Variants in EGFLAM observed in about 807,000 individuals in gnomAD.
EGFLAM encodes the protein pikachurin.
A neutral mutation model predicts 113.1 loss-of-function variants in EGFLAM; 79 were observed. The ratio of observed to expected loss-of-function variants is 0.70; its 90% CI spans 0.58 to 0.84. The LOEUF is 0.84. Among genes scored for constraint, EGFLAM ranks in the 40% least tolerant of loss-of-function variants. The probability of loss-of-function intolerance (pLI) is 0.00; values close to 1 mark genes in which losing one functional copy is unlikely to be tolerated. For synonymous variants in EGFLAM, 504 were observed against 487.6 expected (o/e 1.03, Z -0.44); for missense variants, 1,265 against 1,291.6 (o/e 0.98, Z 0.32).
At chr5:38,298,300 TC>T (rs1278637537) in intron 1 of EGFLAM, among the ~76,000 whole-genome samples, 1 of 143,284 alleles carries the variant, frequency 7.0e-6, no homozygotes, top group Non-Finnish European at 1.5e-5. Context: ...GTCAGAGTCA[TC>T]ATTAGAGATA....
intron 19 of EGFLAM, among the ~76,000 whole-genome samples, chr5:38,455,120 G>A (rs1437477215): frequency 2.0e-5 from 3 of 152,178 alleles, no homozygotes; most frequent in South Asian, 2.1e-4. Context: ...TTCATGCAAC[G>A]AAGAGGGGGA....
At chr5:38,278,611 C>A (rs1757943355) in intron 1 of EGFLAM, among the ~76,000 whole-genome samples, 1 of 151,994 alleles carries the variant, frequency 6.6e-6, no homozygotes, top group Admixed American at 6.6e-5. Flanking sequence ...GCCTCAGCCT[C>A]CCGAGTAGCT....
At chr5:38,374,123 G>C (rs1327931074) in intron 6 of EGFLAM, among the ~76,000 whole-genome samples, 2 of 152,154 alleles carry the variant, frequency 1.3e-5, no homozygotes, top group African/African-American at 4.8e-5. Context: ...CTGATGATTA[G>C]TGATGCTGAC....
intron 5 of EGFLAM, among the ~76,000 whole-genome samples, chr5:38,366,536 G>A (rs1740063685): frequency 6.6e-6 from 1 of 152,186 alleles, no homozygotes; most frequent in Non-Finnish European, 1.5e-5. Flanking sequence ...TATGGGGTTT[G>A]ATAGTATCAA....
In EGFLAM at chr5:38,305,650, A is replaced by G. The variant is rs191875897; in HGVS notation, c.98-31870A>G. On this transcript the variant is annotated intron_variant, in intron 1 of 21. Transcript: ENST00000322350. ...GGCTCTGGATGAAACTTATTCCCCA[A>G]AATAATGTTGATAAAACATCTGACA... is the stretch of plus-strand genomic sequence containing the variant. 31 of 199,676 alleles carry G rather than the reference A, an allele frequency of 1.6e-4. No individual in the cohort carries two copies. The East Asian group carries it at 3.8e-3, about 24-fold the overall frequency. The allele number at this position is 199,676 out of a possible 1,614,324, so 12.4% of individuals were successfully genotyped here. A position where few individuals can be genotyped will look rare whatever the true frequency, so the allele number is the denominator to read the frequency against.
At chr5:38,459,527 CTT>C (rs1393673938) in intron 20 of EGFLAM, among the ~76,000 whole-genome samples, 1 of 152,174 alleles carries the variant, frequency 6.6e-6, no homozygotes, top group Admixed American at 6.5e-5. Context: ...CAGGCTGAAA[CTT>C]AGAAATGTCA....
chr5:38,303,996 G>T (rs1183930904), intron 1 of EGFLAM, among the ~76,000 whole-genome samples: 2 of 151,920 alleles, frequency 1.3e-5, no homozygotes, highest in African/African-American at 4.8e-5. Flanking sequence ...AAATTAGCCA[G>T]GTGTGGCCTG....
chr5:38,401,182 TC>T (rs1228423019), intron 6 of EGFLAM: 1 of 152,188 alleles, frequency 6.6e-6, no homozygotes, highest in Non-Finnish European at 1.5e-5. Context: ...TTGCTTGTGG[TC>T]CTTTTCTCTG....
chr5:38,258,674 C>T lies in EGFLAM; in HGVS notation c.-81C>T. 1 of 1,486,262 alleles carries T rather than the reference C, an allele frequency of 6.7e-7. No individual in the cohort carries two copies. Among genetic ancestry groups the T allele is most frequent in the East Asian group, 2.5e-5 (1 of 40,656 alleles). The allele number at this position is 1,486,262 out of a possible 1,614,324, so 92.1% of individuals were successfully genotyped here. A position where few individuals can be genotyped will look rare whatever the true frequency, so the allele number is the denominator to read the frequency against. ...CCCCGGCCCGGGGATCCGTTGGGGCCGCGTCCCCCACGCGCCCCCGGAGAC... is the reference window on the plus strand; with the variant it reads ...CCCCGGCCCGGGGATCCGTTGGGGCTGCGTCCCCCACGCGCCCCCGGAGAC... On this transcript the variant is annotated 5_prime_UTR_variant, in exon 1 of 22. Coordinates refer to ENST00000322350, the MANE Select transcript of EGFLAM (RefSeq NM_152403.4).
At position 38,434,288 on chromosome 5, in the gene EGFLAM, C is replaced by T. The variant is rs149599671; in HGVS notation, c.2167-849C>T. Among the ~76,000 whole-genome samples, 366 of 152,306 alleles carry T rather than the reference C, an allele frequency of 2.4e-3. 2 individuals carry two copies. Among genetic ancestry groups the T allele is most frequent in the African/African-American group, 5.5e-3 (229 of 41,566 alleles). ...GGGTAGGATATGAGACTCCCGTGTC[C>T]GGCACCCAGGTGCACCCATAGCCAC... On this transcript the variant is annotated intron_variant, in intron 15 of 21. Coordinates refer to ENST00000322350, the MANE Select transcript of EGFLAM (RefSeq NM_152403.4).
intron 1 of EGFLAM, among the ~76,000 whole-genome samples, chr5:38,285,140 T>A (rs190235016): frequency 6.6e-6 from 1 of 152,150 alleles, no homozygotes; most frequent in African/African-American, 2.4e-5. Flanking sequence ...AAAATAGCAA[T>A]GGGAACTTTT....
chr5:38,346,641 A>G (rs1426004810), intron 3 of EGFLAM: 1 of 152,218 alleles, frequency 6.6e-6, no homozygotes, highest in East Asian at 1.9e-4. Flanking sequence ...AATCCATATC[A>G]CCACCTATAC....
At chr5:38,388,753 C>CT (rs1303344611) in intron 6 of EGFLAM, among the ~76,000 whole-genome samples, 1 of 139,108 alleles carries the variant, frequency 7.2e-6, no homozygotes, top group Non-Finnish European at 1.5e-5. Context: ...GAGTGAGACT[C>CT]TGTCACAAAA....
chr5:38,372,087 G>A (rs371998675), intron 6 of EGFLAM, among the ~76,000 whole-genome samples: 1 of 151,742 alleles, frequency 6.6e-6, no homozygotes, highest in South Asian at 2.1e-4. Context: ...TTAGATGTGC[G>A]CATAGAGACT....
intron 6 of EGFLAM, among the ~76,000 whole-genome samples, chr5:38,382,952 G>A (rs1740551704): frequency 6.6e-6 from 1 of 152,188 alleles, no homozygotes; most frequent in South Asian, 2.1e-4. Flanking sequence ...AGGATCCTTA[G>A]GGAGTGCAGG....
chr5:38,429,164 G>A (rs16903969), intron 14 of EGFLAM, among the ~76,000 whole-genome samples: 3,233 of 152,248 alleles, frequency 0.021, 121 homozygotes, highest in African/African-American at 0.074. Flanking sequence ...AAAAAATCAC[G>A]ACAATTGGAA....
chr5:38,405,955 T>G (rs1579880924), intron 6 of EGFLAM, 171 bp from the exon 7 acceptor site: 2 of 629,450 alleles, frequency 3.2e-6, no homozygotes, highest in East Asian at 2.8e-5. Context: ...AGAGGAAACT[T>G]TTTTTATATC....
intron 1 of EGFLAM, among the ~76,000 whole-genome samples, chr5:38,304,306 G>A (rs1758670846): frequency 6.6e-6 from 1 of 152,090 alleles, no homozygotes; most frequent in Non-Finnish European, 1.5e-5. Flanking sequence ...TGATTGAGAA[G>A]TGTCAGCATT....
intron 13 of EGFLAM, among the ~76,000 whole-genome samples, 190 bp from the exon 14 acceptor site, chr5:38,426,819 T>C (rs924629978): frequency 3.9e-5 from 6 of 152,130 alleles, no homozygotes; most frequent in African/African-American, 1.4e-4. Flanking sequence ...GGGGCCAGAC[T>C]TAGGGTGCTC....
Sources: allele counts gnomAD v4.1 joint callset (sites outside exome capture counted in the v4.1 genomes callset), GRCh38; gene constraint gnomAD v4.1.1; transcripts MANE v1.5; gene names NCBI Gene and HGNC (gene_info 2026-07-23, HGNC 2026-07-21).